AGT: variants seen among roughly 807,000 people sequenced by gnomAD.
AGT encodes angiotensinogen, also known as alpha-1 antiproteinase, antitrypsin.
A neutral mutation model predicts 28.1 loss-of-function variants in AGT; 26 were observed. The ratio of observed to expected loss-of-function variants is 0.92; its 90% CI spans 0.68 to 1.28. AGT has a LOEUF of 1.28. AGT is among the 50% of genes most tolerant of loss of function. AGT has a pLI of 0.00. For missense variants in AGT, 596 were observed against 592.3 expected, an observed-to-expected ratio of 1.01 and a Z score of -0.06; for synonymous variants, 259 against 259.6, an observed-to-expected ratio of 1.00 and a Z score of 0.02.
upstream of AGT, among the ~76,000 whole-genome samples, chr1:230,719,414 T>TGTTTGTTTGTTTTTG (rs1558291320): frequency 1.2e-4 from 12 of 104,342 alleles, no homozygotes; most frequent in Middle Eastern, 7.0e-3. Flanking sequence ...ATGTTTTTTT[T>TGTTTGTTTGTTTTTG]TTTTTTTTTT....
intron 1 of AGT, among the ~76,000 whole-genome samples, chr1:230,722,921 G>A (rs1323694438): frequency 6.6e-6 from 1 of 152,252 alleles, no homozygotes; most frequent in Admixed American, 6.5e-5. Flanking sequence ...ATCTGAAAAG[G>A]CATGAGATTT....
rs1262165674 is a variant in AGT, at chr1:230,710,555, T to C, written c.269A>G (p.Asp90Gly). 1 of 1,614,214 alleles carries C rather than the reference T, an allele frequency of 6.2e-7. No individual in the cohort carries two copies. The highest frequency in any genetic ancestry group is 1.1e-5 in the South Asian group (1 of 91,076). ...VLVAAKLDTE[D>G]KLRAAMVGML... is the part of the protein sequence containing the mutation. ...CCCGACCATTGCGGCCCTCAACTTG[T>C]CTTCGGTGTCAAGTTTTGCAGCGAC... The change falls in exon 2 of 5, where the codon GAC becomes GGC. Residue 90 changes from aspartate to glycine, a missense_variant. Physicochemically the swap from Asp to Gly is moderately conservative, Grantham distance 94. Transcript: ENST00000366667.
rs55720804 is a variant in AGT, at chr1:230,702,565, AG to A, written c.*575del. 0.012 allele frequency: 1,839 copies of A among 156,566 alleles called. 15 individuals carry two copies. The highest frequency in any genetic ancestry group is 0.021 in the Non-Finnish European group (1,450 of 70,454). The allele number at this position is 156,566 out of a possible 1,614,324, so 9.7% of individuals were successfully genotyped here. A position where few individuals can be genotyped will look rare whatever the true frequency, so the allele number is the denominator to read the frequency against. The stretch of plus-strand genomic sequence containing the variant: ...TGGCAAGACGTTTATTACTAACACA[AG>A]GGAGAAATAACCAGCTATGGTTCCG... On this transcript the variant is annotated 3_prime_UTR_variant, in exon 5 of 5. Coordinates refer to ENST00000366667, the MANE Select transcript of AGT (RefSeq NM_001384479.1).
upstream of AGT, among the ~76,000 whole-genome samples, chr1:230,714,932 G>A (rs7533803): frequency 1.1e-3 from 163 of 152,174 alleles, no homozygotes; most frequent in Non-Finnish European, 1.8e-3. Context: ...GGTGAGAGTC[G>A]CCAGAAGCCA....
chr1:230,741,828 G>A (rs1664253460), intron 1 of AGT, among the ~76,000 whole-genome samples: 1 of 152,096 alleles, frequency 6.6e-6, no homozygotes, highest in Admixed American at 6.5e-5. Context: ...CACGGGGGAG[G>A]GAAGGCAGAG....
At chr1:230,705,081 C>T (rs537300354) in intron 3 of AGT, among the ~76,000 whole-genome samples, 41 of 152,038 alleles carry the variant, frequency 2.7e-4, no homozygotes, top group South Asian at 6.2e-4. Context: ...TGGTGGTTGC[C>T]GGGGCCAAGG....
chr1:230,720,116 C>T (rs1663814526), intron 1 of AGT, among the ~76,000 whole-genome samples: 1 of 152,070 alleles, frequency 6.6e-6, no homozygotes, highest in Non-Finnish European at 1.5e-5. Flanking sequence ...CTTCATGTTG[C>T]CTCAGGGGTC....
At chr1:230,739,623 A>G (rs949908486) in intron 1 of AGT, among the ~76,000 whole-genome samples, 1 of 152,124 alleles carries the variant, frequency 6.6e-6, no homozygotes, top group African/African-American at 2.4e-5. Flanking sequence ...ATTGCCCCCG[A>G]TAGGAAAATG....
At chr1:230,727,077 T>A (rs1370726054) in intron 1 of AGT, among the ~76,000 whole-genome samples, 4 of 152,192 alleles carry the variant, frequency 2.6e-5, no homozygotes, top group Non-Finnish European at 4.4e-5. Flanking sequence ...TGGTGGGATG[T>A]TCAGGGATGG....
At chr1:230,734,384 G>A (rs1024384325) in intron 1 of AGT, among the ~76,000 whole-genome samples, 1 of 152,070 alleles carries the variant, frequency 6.6e-6, no homozygotes, top group Admixed American at 6.6e-5. Flanking sequence ...TCCAGGGGCT[G>A]GGGGAGGGGA....
At chr1:230,744,689 A>G (rs1005290358) in intron 1 of AGT, among the ~76,000 whole-genome samples, 4 of 152,226 alleles carry the variant, frequency 2.6e-5, no homozygotes, top group South Asian at 2.1e-4. Context: ...AGAAAAAGGC[A>G]GGTTCTTCCA....
At chr1:230,717,090 A>G (rs1273787792), upstream of AGT, among the ~76,000 whole-genome samples, 1 of 144,334 alleles carries the variant, frequency 6.9e-6, no homozygotes, top group Non-Finnish European at 1.5e-5. Context: ...ATTTTATACA[A>G]CACATGTTTT....
At chr1:230,741,703 G>A (rs191301902) in intron 1 of AGT, among the ~76,000 whole-genome samples, 210 of 152,336 alleles carry the variant, frequency 1.4e-3, no homozygotes, top group Admixed American at 4.6e-3. Context: ...GGAGGGGATG[G>A]ATAGGGAAGC....
Position 230,728,216 on chromosome 1 carries a change from G to C in AGT, c.-31+17299C>G, listed in dbSNP as rs186511260. Among the ~76,000 whole-genome samples, 344 of 152,294 alleles carry C rather than the reference G, an allele frequency of 2.3e-3. 3 individuals carry two copies. The highest frequency in any genetic ancestry group is 3.5e-3 in the Non-Finnish European group (236 of 68,018). ...CTGAAAAGGCCAATTTTAGGGTCTAGAGTAGTGATGTTAATTATAGGAGTA... is the reference window on the plus strand; with the variant it reads ...CTGAAAAGGCCAATTTTAGGGTCTACAGTAGTGATGTTAATTATAGGAGTA... On this transcript the variant is annotated intron_variant, in intron 1 of 4. Coordinates refer to the AGT transcript ENST00000681269.
intron 1 of AGT, among the ~76,000 whole-genome samples, chr1:230,723,530 G>T (rs1293976359): frequency 6.6e-6 from 1 of 152,182 alleles, no homozygotes; most frequent in East Asian, 1.9e-4. Context: ...AGTCATCAAA[G>T]TGTAGAGTAT....
At chr1:230,711,253 C>CACACAGAGGGAAGACCATGTGGGG (rs1053378965) in intron 1 of AGT, among the ~76,000 whole-genome samples, 2 of 151,928 alleles carry the variant, frequency 1.3e-5, no homozygotes, top group African/African-American at 2.4e-5. Flanking sequence ...GACATGGACA[C>CACACAGAGGGAAGACCATGTGGGG]ACACAGAGGG....
chr1:230,742,615 A>G (rs886087822), intron 1 of AGT, among the ~76,000 whole-genome samples: 3 of 152,124 alleles, frequency 2.0e-5, no homozygotes, highest in African/African-American at 7.2e-5. Flanking sequence ...GCACCCGGCC[A>G]CTTTGACTTT....
In AGT at chr1:230,706,166, G is replaced by A. The variant is rs748569303; in HGVS notation, c.864C>T (p.Pro288=). ...TGCTGTTGTCCACCCAGAACTCCTG[G>A]GGCTCGGCCAGCAGGGAGAAGCCCT... ...KMKGFSLLAE[P]QEFWVDNSTS... is the part of the protein sequence containing the mutation. The change falls in exon 3 of 5, where the codon CCC becomes CCT. Residue 288 remains proline, a synonymous_variant. Coordinates refer to ENST00000366667, the MANE Select transcript of AGT (RefSeq NM_001384479.1). 4.2e-5 allele frequency: 68 copies of A among 1,613,702 alleles called. No homozygotes were observed. The highest frequency in any genetic ancestry group is 5.0e-5 in the Non-Finnish European group (59 of 1,179,814).
chr1:230,712,248 T>C (rs1158214755), intron 1 of AGT, among the ~76,000 whole-genome samples: 1 of 152,172 alleles, frequency 6.6e-6, no homozygotes, highest in East Asian at 1.9e-4. Flanking sequence ...CATCTAAGCA[T>C]ACCCAGTCAT....
Sources: allele counts gnomAD v4.1 joint callset (sites outside exome capture counted in the v4.1 genomes callset), GRCh38; gene constraint gnomAD v4.1.1; transcripts MANE v1.5; gene names NCBI Gene and HGNC (gene_info 2026-07-23, HGNC 2026-07-21).